SV2C: variants seen among roughly 807,000 people sequenced by gnomAD.
SV2C encodes synaptic vesicle glycoprotein 2C.
A neutral mutation model predicts 79.7 loss-of-function variants in SV2C; 49 were observed. That is an observed-to-expected ratio of 0.61 (90% CI 0.49 to 0.78). The LOEUF is 0.78. Ranked by LOEUF, SV2C falls within the 30% of genes least tolerant of loss-of-function variation. The pLI is 0.00. For synonymous variants in SV2C, 334 were observed against 333.2 expected, an observed-to-expected ratio of 1.00 and a Z score of -0.03; for missense variants, 833 against 912.9, an observed-to-expected ratio of 0.91 and a Z score of 1.13.
chr5:76,177,376 C>T lies in SV2C; in HGVS notation c.581-17543C>T, dbSNP rs1270700180. Reference sequence around the variant, plus strand: ...TGATACCTAGAATCGCAGATAGTACCGTCCCCTATATATACTGTTTTTTCA... The same window carrying T: ...TGATACCTAGAATCGCAGATAGTACTGTCCCCTATATATACTGTTTTTTCA... On this transcript the variant is annotated intron_variant, in intron 2 of 12. Coordinates refer to ENST00000502798, the MANE Select transcript of SV2C (RefSeq NM_014979.4). 2.6e-5 allele frequency among the ~76,000 whole-genome samples: 4 copies of T among 151,392 alleles called. No individual in the cohort carries two copies. The East Asian group carries it at 5.8e-4, about 22-fold the overall frequency.
the SV2C span, among the ~76,000 whole-genome samples, chr5:75,927,254 C>T: frequency 6.6e-6 from 1 of 151,888 alleles, no homozygotes; most frequent in Non-Finnish European, 1.5e-5. Flanking sequence ...AAATGTCCAT[C>T]GACAGATGAA....
the SV2C span, among the ~76,000 whole-genome samples, chr5:76,025,304 C>G: frequency 2.0e-5 from 3 of 151,862 alleles, no homozygotes; most frequent in African/African-American, 7.3e-5. Flanking sequence ...GAGGGGCATT[C>G]CTGGCTGGGA....
the SV2C span, among the ~76,000 whole-genome samples, chr5:76,051,845 A>G: frequency 8.3e-4 from 126 of 152,302 alleles, 1 homozygote; most frequent in African/African-American, 2.9e-3. Context: ...TAATAAGGAT[A>G]TTTACTTTTC....
intron 4 of SV2C, among the ~76,000 whole-genome samples, chr5:76,235,799 CACTT>C (rs200797189): frequency 0.047 from 7,170 of 152,014 alleles, 450 homozygotes; most frequent in African/African-American, 0.14. Flanking sequence ...ATTTAGCTCA[CACTT>C]ACTTAGTACA....
At chr5:75,951,048 GT>G in the SV2C span, among the ~76,000 whole-genome samples, 1 of 151,910 alleles carries the variant, frequency 6.6e-6, no homozygotes, top group Non-Finnish European at 1.5e-5. Flanking sequence ...GTGGTCTATA[GT>G]TTTGAATACA....
At chr5:75,960,956 T>G in the SV2C span, among the ~76,000 whole-genome samples, 2 of 151,988 alleles carry the variant, frequency 1.3e-5, no homozygotes, top group Admixed American at 6.6e-5. Flanking sequence ...TCAAGTGAAT[T>G]TATCTGATTC....
Position 76,248,427 on chromosome 5 carries a change from C to G in SV2C, c.914-36735C>G, listed in dbSNP as rs140022956. ...CTAATCTGCTCTTCTTATAAGGACA[C>G]CAGTCGTATTGAATTCAGGCCCACC... is the stretch of plus-strand genomic sequence containing the variant. On this transcript the variant is annotated intron_variant, in intron 4 of 12. Transcript: ENST00000502798. Among the ~76,000 whole-genome samples the G allele has an allele frequency of 6.2e-4, 95 of 152,246 alleles. 1 individual carries two copies. In the Middle Eastern group the frequency reaches 0.01, roughly 16 times the overall value.
chr5:76,300,570 G>A (rs1283193605), intron 10 of SV2C, among the ~76,000 whole-genome samples, 159 bp from the exon 11 acceptor site: 6 of 152,134 alleles, frequency 3.9e-5, no homozygotes. Context: ...TAGATCCTAT[G>A]CTTTGGCCAG....
chr5:76,285,706 C>A, intron 5 of SV2C, 75 bp from the exon 6 acceptor site: 3 of 1,254,140 alleles, frequency 2.4e-6, no homozygotes, highest in Non-Finnish European at 3.4e-6. Flanking sequence ...TCTGACAATG[C>A]AAGACGGCTA....
chr5:75,900,566 A>T, the SV2C span, among the ~76,000 whole-genome samples: 1 of 152,076 alleles, frequency 6.6e-6, no homozygotes, highest in African/African-American at 2.4e-5. Flanking sequence ...CTCGAGGAGT[A>T]TCTTTGTGGC....
the SV2C span, among the ~76,000 whole-genome samples, chr5:76,010,272 T>A: frequency 0.019 from 2,846 of 152,220 alleles, 83 homozygotes; most frequent in African/African-American, 0.064. Flanking sequence ...AGCCCAGCTG[T>A]GGGCTCAATC....
At chr5:76,118,254 C>T (rs561195338) in intron 1 of SV2C, among the ~76,000 whole-genome samples, 1 of 152,266 alleles carries the variant, frequency 6.6e-6, no homozygotes, top group South Asian at 2.1e-4. Context: ...TTCACATGGT[C>T]TTCTCCTTTT....
intron 1 of SV2C, among the ~76,000 whole-genome samples, chr5:76,101,087 G>A (rs887003158): frequency 1.2e-4 from 12 of 103,714 alleles, no homozygotes; most frequent in Admixed American, 9.3e-5. Flanking sequence ...GGATGTATGA[G>A]GAGAGGGAAT....
chr5:76,100,372 A>G (rs56034047), intron 1 of SV2C, among the ~76,000 whole-genome samples: 3,443 of 152,276 alleles, frequency 0.023, 137 homozygotes, highest in African/African-American at 0.08. Context: ...ACTCTTTCCT[A>G]TGGGATCATA....
At chr5:76,300,643 T>A (rs1186563422) in intron 10 of SV2C, 86 bp from the exon 11 acceptor site, 3 of 1,395,000 alleles carry the variant, frequency 2.2e-6, no homozygotes, top group African/African-American at 1.4e-5. Flanking sequence ...AATACTGGTT[T>A]CCTCTCCGAA....
chr5:75,998,673 T>C, the SV2C span, among the ~76,000 whole-genome samples: 4 of 151,316 alleles, frequency 2.6e-5, no homozygotes, highest in South Asian at 8.3e-4. Flanking sequence ...TGTGTATGTG[T>C]GTGGGTGTGT....
the SV2C span, among the ~76,000 whole-genome samples, chr5:76,070,933 C>T: frequency 3.3e-5 from 5 of 152,194 alleles, no homozygotes; most frequent in Admixed American, 6.5e-5. Context: ...AGATGAGTTA[C>T]CTCTTCTGGA....
chr5:76,288,085 A>G (rs1301293099), intron 6 of SV2C, among the ~76,000 whole-genome samples: 1 of 121,402 alleles, frequency 8.2e-6, no homozygotes, highest in Non-Finnish European at 1.8e-5. Flanking sequence ...CTCCATCTCA[A>G]AAAAAAAAAA....
At chr5:76,216,832 G>C (rs1995380) in intron 4 of SV2C, among the ~76,000 whole-genome samples, 26,953 of 152,224 alleles carry the variant, frequency 0.18, 2,614 homozygotes, top group Admixed American at 0.26. Flanking sequence ...AATGGGAACA[G>C]AGAGCTGAAT....
Sources: gnomAD v4.1 joint callset for allele counts (sites outside exome capture counted in the v4.1 genomes callset) on GRCh38, gnomAD v4.1.1 for gene constraint, MANE v1.5 for transcripts, NCBI Gene and HGNC (gene_info 2026-07-23, HGNC 2026-07-21) for gene names.